Variants in ADAMTSL3 observed in about 807,000 individuals in gnomAD.
The protein encoded by ADAMTSL3 is ADAMTS like 3.
In ADAMTSL3, 128 loss-of-function variants were observed where a neutral mutation model predicts 201.7. The ratio of observed to expected loss-of-function variants is 0.63; its 90% CI spans 0.55 to 0.73. The LOEUF is 0.73. Among genes scored for constraint, ADAMTSL3 ranks in the 30% least tolerant of loss-of-function variants. The probability of loss-of-function intolerance (pLI) is 0.00; values close to 1 mark genes in which losing one functional copy is unlikely to be tolerated. For synonymous variants in ADAMTSL3, 738 were observed against 748.4 expected, an observed-to-expected ratio of 0.99 and a Z score of 0.23; for missense variants, 1,990 against 2,119.6, an observed-to-expected ratio of 0.94 and a Z score of 1.20.
chr15:83,729,833 G>T (rs1473925588), intron 3 of ADAMTSL3, among the ~76,000 whole-genome samples: 1 of 152,008 alleles, frequency 6.6e-6, no homozygotes, highest in Non-Finnish European at 1.5e-5. Context: ...GTCAGTATCT[G>T]GGCATTGAAG....
chr15:83,984,096 A>G (rs1807398205), intron 21 of ADAMTSL3, among the ~76,000 whole-genome samples: 1 of 152,214 alleles, frequency 6.6e-6, no homozygotes, highest in African/African-American at 2.4e-5. Flanking sequence ...TATTTTACAT[A>G]ACAGATACTA....
intron 7 of ADAMTSL3, among the ~76,000 whole-genome samples, chr15:83,857,691 A>G (rs1045166996): frequency 1.3e-5 from 2 of 152,208 alleles, no homozygotes; most frequent in South Asian, 4.1e-4. Flanking sequence ...TTGTTTATCT[A>G]CATTTTCTAA....
At chr15:84,031,569 G>T in intron 28 of ADAMTSL3, 137 bp downstream of exon 28, 1 of 717,450 alleles carries the variant, frequency 1.4e-6, no homozygotes, top group Admixed American at 2.3e-5. Flanking sequence ...GATTTATTTA[G>T]TGTCATCTTC....
intron 20 of ADAMTSL3, among the ~76,000 whole-genome samples, chr15:83,981,518 C>G (rs1596494001): frequency 6.6e-6 from 1 of 152,200 alleles, no homozygotes; most frequent in East Asian, 1.9e-4. Flanking sequence ...ATTGAAAGCA[C>G]TAACATTATT....
rs1039595229 is a variant in ADAMTSL3 at position 83,942,980 on chromosome 15, G to T, written c.2388G>T (p.Leu796Phe). Residue 796 changes from leucine (L) to phenylalanine (F), a missense_variant, in exon 19 of 30, where the codon TTG becomes TTT. Coordinates refer to ENST00000286744, the MANE Select transcript of ADAMTSL3 (RefSeq NM_207517.3). ...CRQLLTDGSFLNLSDELCQGP... is the reference protein window; with the variant it reads ...CRQLLTDGSFFNLSDELCQGP... Reference sequence around the variant, plus strand: ...AGCTGCTAACGGATGGCAGCTTTTTGAATCTCTCAGATGAATTGTGCCAAG... The same window carrying T: ...AGCTGCTAACGGATGGCAGCTTTTTTAATCTCTCAGATGAATTGTGCCAAG... 4 of 1,613,896 alleles carry T rather than the reference G, an allele frequency of 2.5e-6. No homozygotes were observed. In the African/African-American group the frequency reaches 4.0e-5, roughly 16 times the overall value.
intron 25 of ADAMTSL3, among the ~76,000 whole-genome samples, chr15:84,019,065 C>CCA (rs1211165022): frequency 1.7e-4 from 9 of 53,634 alleles, no homozygotes; most frequent in East Asian, 7.8e-4. Context: ...ATATCCCCCA[C>CCA]CACACACACA....
chr15:83,918,183 A>G (rs539627146), intron 16 of ADAMTSL3, among the ~76,000 whole-genome samples: 2 of 152,320 alleles, frequency 1.3e-5, no homozygotes, highest in Admixed American at 6.5e-5. Context: ...ACAATTGTAA[A>G]TAATGTGGAT....
chr15:83,865,997 A>G (rs1208630184), intron 8 of ADAMTSL3, among the ~76,000 whole-genome samples: 1 of 152,224 alleles, frequency 6.6e-6, no homozygotes, highest in Non-Finnish European at 1.5e-5. Flanking sequence ...CAGCCAAAAG[A>G]CACATGAAAA....
chr15:83,726,332 A>G (rs113368422), intron 3 of ADAMTSL3, among the ~76,000 whole-genome samples: 15,038 of 152,106 alleles, frequency 0.099, 938 homozygotes, highest in South Asian at 0.26. Context: ...AGATCATATC[A>G]TCTGAAAACA....
rs1348845893 is a variant in ADAMTSL3, at chr15:83,983,731, A to G, written c.3716+387A>G. Among the ~76,000 whole-genome samples the G allele has an allele frequency of 5.9e-5, 9 of 152,332 alleles. No individual in the cohort carries two copies. In the East Asian group the frequency reaches 1.5e-3, roughly 26 times the overall value. Reference sequence around the variant, plus strand: ...AAATCAGAATTTACAGAGCTCTTCCATGTCTAGGAGATGTGGTATCTTATT... The same window carrying G: ...AAATCAGAATTTACAGAGCTCTTCCGTGTCTAGGAGATGTGGTATCTTATT... On this transcript the variant is annotated intron_variant, in intron 21 of 29. Coordinates refer to ENST00000286744, the MANE Select transcript of ADAMTSL3 (RefSeq NM_207517.3).
Position 83,792,551 on chromosome 15 carries a change from AG to A in ADAMTSL3, c.318-12097del, listed in dbSNP as rs544146156. On this transcript the variant is annotated intron_variant, in intron 4 of 29. Coordinates refer to ENST00000286744, the MANE Select transcript of ADAMTSL3 (RefSeq NM_207517.3). ...GTAATCCCAGCACTTTGGGAGGCTG[AG>A]GCGGGTGGAGCAACTGAGGTCAGGA... is the stretch of plus-strand genomic sequence containing the variant. Among the ~76,000 whole-genome samples, 613 of 152,330 alleles carry A rather than the reference AG, an allele frequency of 4.0e-3. 2 individuals are homozygous for A. The highest frequency in any genetic ancestry group is 6.2e-3 in the Non-Finnish European group (424 of 68,024).
At chr15:83,868,411 C>T (rs1266530469) in intron 8 of ADAMTSL3, among the ~76,000 whole-genome samples, 1 of 152,162 alleles carries the variant, frequency 6.6e-6, no homozygotes, top group African/African-American at 2.4e-5. Flanking sequence ...GGCACCAGCA[C>T]AAAGAAGCAA....
intron 15 of ADAMTSL3, among the ~76,000 whole-genome samples, chr15:83,902,241 G>C (rs2065739730): frequency 6.6e-6 from 1 of 152,100 alleles, no homozygotes; most frequent in African/African-American, 2.4e-5. Flanking sequence ...ACAGCCACCA[G>C]AGTAGTCTAT....
At chr15:83,683,489 C>A (rs1412530628) in intron 2 of ADAMTSL3, among the ~76,000 whole-genome samples, 1 of 152,160 alleles carries the variant, frequency 6.6e-6, no homozygotes, top group East Asian at 1.9e-4. Context: ...CTTCGTTGGA[C>A]TTCCCATTTG....
At chr15:83,791,456 A>C (rs976136643) in intron 4 of ADAMTSL3, among the ~76,000 whole-genome samples, 2 of 152,222 alleles carry the variant, frequency 1.3e-5, no homozygotes, top group African/African-American at 2.4e-5. Context: ...CTGATTTTTT[A>C]CAAAGGTGTC....
At chr15:83,779,801 G>GA (rs2063138330) in intron 4 of ADAMTSL3, among the ~76,000 whole-genome samples, 1 of 151,872 alleles carries the variant, frequency 6.6e-6, no homozygotes, top group African/African-American at 2.4e-5. Flanking sequence ...CAATCACATG[G>GA]AAATTGAATA....
intron 20 of ADAMTSL3, among the ~76,000 whole-genome samples, chr15:83,973,011 C>G (rs777038999): frequency 6.6e-6 from 1 of 152,146 alleles, no homozygotes; most frequent in Non-Finnish European, 1.5e-5. Flanking sequence ...CATGTGCAGA[C>G]CCTACAAGAC....
At chr15:83,728,431 C>G (rs978395669) in intron 3 of ADAMTSL3, among the ~76,000 whole-genome samples, 4 of 151,430 alleles carry the variant, frequency 2.6e-5, no homozygotes, top group Non-Finnish European at 5.9e-5. Flanking sequence ...TCCCCCCGCC[C>G]CCTTCCTATT....
intron 13 of ADAMTSL3, among the ~76,000 whole-genome samples, chr15:83,897,237 A>G (rs1231813564): frequency 6.6e-6 from 1 of 152,224 alleles, no homozygotes; most frequent in East Asian, 1.9e-4. Context: ...AAATGCTGAC[A>G]ACACAAACTT....
Sources: allele counts gnomAD v4.1 joint callset (sites outside exome capture counted in the v4.1 genomes callset), GRCh38; gene constraint gnomAD v4.1.1; transcripts MANE v1.5; gene names NCBI Gene and HGNC (gene_info 2026-07-23, HGNC 2026-07-21).